The following SMARCC1 variants were observed in gnomAD, a reference collection of about 807,000 sequenced individuals.
SMARCC1 encodes the protein SWI/SNF complex subunit SMARCC1.
Under a neutral mutation model 147.4 loss-of-function variants are expected in SMARCC1, and 43 were observed. The observed-to-expected ratio is 0.29, with a 90% confidence interval of 0.23 to 0.38. SMARCC1 has a LOEUF of 0.38. Among genes scored for constraint, SMARCC1 ranks in the 10% least tolerant of loss-of-function variants. The probability of loss-of-function intolerance (pLI) is 1.00; values close to 1 mark genes in which losing one functional copy is unlikely to be tolerated. For missense variants in SMARCC1, 1,119 were observed against 1,381.1 expected (o/e 0.81, Z 3.01); for synonymous variants, 495 against 484.4 (o/e 1.02, Z -0.29).
intron 6 of SMARCC1, among the ~76,000 whole-genome samples, chr3:47,722,095 A>C (rs2034239385): frequency 6.6e-6 from 1 of 151,952 alleles, no homozygotes; most frequent in African/African-American, 2.4e-5. Context: ...GGAAAAAAGA[A>C]AAGGGGCCAG....
intron 21 of SMARCC1, among the ~76,000 whole-genome samples, chr3:47,650,968 T>C (rs1468848166): frequency 6.6e-6 from 1 of 152,070 alleles, no homozygotes; most frequent in Non-Finnish European, 1.5e-5. Context: ...TACATGGGGG[T>C]ATATTCTCAA....
chr3:47,730,610 A>G (rs374145723), intron 5 of SMARCC1, among the ~76,000 whole-genome samples: 32 of 152,322 alleles, frequency 2.1e-4, no homozygotes, highest in African/African-American at 7.7e-4. Context: ...TCACGCCTGT[A>G]ATCCCAGCAG....
intron 24 of SMARCC1, among the ~76,000 whole-genome samples, chr3:47,625,711 T>C (rs562776458): frequency 1.3e-5 from 2 of 152,092 alleles, no homozygotes; most frequent in Non-Finnish European, 2.9e-5. Context: ...TATAAAAGTA[T>C]ACACTAAAAA....
intron 26 of SMARCC1, among the ~76,000 whole-genome samples, chr3:47,607,371 A>G (rs2032491921): frequency 6.6e-6 from 1 of 152,204 alleles, no homozygotes; most frequent in African/African-American, 2.4e-5. Flanking sequence ...CTACAGCCTA[A>G]AATATATTTT....
chr3:47,751,147 C>T (rs909582669), intron 2 of SMARCC1, among the ~76,000 whole-genome samples: 2 of 152,082 alleles, frequency 1.3e-5, no homozygotes, highest in South Asian at 4.1e-4. Flanking sequence ...ATCCGCCCGC[C>T]TCAGCCTCCC....
At chr3:47,590,959 A>G in intron 26 of SMARCC1, 122 bp from the exon 27 acceptor site, 3 of 855,978 alleles carry the variant, frequency 3.5e-6, no homozygotes, top group Non-Finnish European at 5.4e-6. Context: ...ATATCAACAG[A>G]GCAATAATCT....
chr3:47,709,049 T>G (rs1480282914), intron 9 of SMARCC1, among the ~76,000 whole-genome samples: 1 of 152,032 alleles, frequency 6.6e-6, no homozygotes, highest in Non-Finnish European at 1.5e-5. Flanking sequence ...TCAACTGAGG[T>G]CAGAAGTTCA....
intron 19 of SMARCC1, among the ~76,000 whole-genome samples, chr3:47,663,110 G>A (rs1471599237): frequency 8.7e-6 from 1 of 115,570 alleles, no homozygotes; most frequent in Non-Finnish European, 1.8e-5. Context: ...GGGAGGGAGG[G>A]AGGGAGGGAA....
At chr3:47,604,090 A>G in intron 26 of SMARCC1, 1 of 456,774 alleles carries the variant, frequency 2.2e-6, no homozygotes. Context: ...GGTACAAACT[A>G]AATGGAATAT....
At chr3:47,670,514 G>GC (rs2033480468) in intron 19 of SMARCC1, 144 bp downstream of exon 19, 5 of 640,204 alleles carry the variant, frequency 7.8e-6, no homozygotes, top group Non-Finnish European at 1.1e-5. Flanking sequence ...AGCCTGGGAG[G>GC]TAGAGGCTGC....
chr3:47,775,498 C>T (rs1046343240), intron 1 of SMARCC1, among the ~76,000 whole-genome samples: 13 of 146,778 alleles, frequency 8.9e-5, no homozygotes, highest in East Asian at 2.2e-4. Context: ...GGGCCAGGCG[C>T]GGTGGTGGCT....
chr3:47,698,472 C>G (rs1224823346), intron 11 of SMARCC1, among the ~76,000 whole-genome samples: 2 of 151,788 alleles, frequency 1.3e-5, no homozygotes, highest in Non-Finnish European at 2.9e-5. Context: ...AATAGAAAAT[C>G]CTAAGAAATC....
At chr3:47,612,950 G>A (rs1021062565) in intron 25 of SMARCC1, among the ~76,000 whole-genome samples, 3 of 152,116 alleles carry the variant, frequency 2.0e-5, no homozygotes, top group Non-Finnish European at 2.9e-5. Context: ...TACTGGCCTC[G>A]TCATGCAAAT....
chr3:47,622,810 A>T (rs2106685820), intron 24 of SMARCC1, among the ~76,000 whole-genome samples: 1 of 152,310 alleles, frequency 6.6e-6, no homozygotes, highest in Admixed American at 6.5e-5. Flanking sequence ...TGTGGAAACA[A>T]AGGGGAAAAC....
At chr3:47,693,359 A>G in intron 11 of SMARCC1, 59 bp from the exon 12 acceptor site, 1 of 959,224 alleles carries the variant, frequency 1.0e-6, no homozygotes, top group East Asian at 2.4e-5. Context: ...TCTTTTTAGA[A>G]AGAAAACAGA....
At chr3:47,685,908 TA>T in intron 14 of SMARCC1, 140 bp downstream of exon 14, 1 of 641,756 alleles carries the variant, frequency 1.6e-6, no homozygotes, top group Non-Finnish European at 2.7e-6. Flanking sequence ...ATTCCAAAGA[TA>T]AAAATCACTC....
At chr3:47,646,369 T>C (rs764882614) in intron 21 of SMARCC1, among the ~76,000 whole-genome samples, 1 of 152,208 alleles carries the variant, frequency 6.6e-6, no homozygotes, top group South Asian at 2.1e-4. Flanking sequence ...TTTGTTATTG[T>C]TGATAAACCA....
intron 1 of SMARCC1, among the ~76,000 whole-genome samples, chr3:47,773,598 A>C (rs538354051): frequency 6.6e-6 from 1 of 152,022 alleles, no homozygotes; most frequent in African/African-American, 2.4e-5. Context: ...TACATGTTCA[A>C]TATCACTTTG....
intron 14 of SMARCC1, among the ~76,000 whole-genome samples, chr3:47,683,523 C>T (rs148188500): frequency 1.3e-5 from 2 of 152,194 alleles, no homozygotes; most frequent in East Asian, 1.9e-4. Context: ...AAAAATAACA[C>T]GGTAATCATT....
Sources: allele counts gnomAD v4.1 joint callset (sites outside exome capture counted in the v4.1 genomes callset), GRCh38; gene constraint gnomAD v4.1.1; transcripts MANE v1.5; gene names NCBI Gene and HGNC (gene_info 2026-07-23, HGNC 2026-07-21).